FGD4: variants seen among roughly 807,000 people sequenced by gnomAD.
FGD4 encodes FYVE, RhoGEF and PH domain-containing protein 4.
A neutral mutation model predicts 102.0 loss-of-function variants in FGD4; 42 were observed. That is an observed-to-expected ratio of 0.41 (90% confidence interval 0.32 to 0.53). The LOEUF (loss-of-function observed/expected upper bound fraction) is 0.53. Ranked by LOEUF, FGD4 falls within the 20% of genes least tolerant of loss-of-function variation. FGD4 has a pLI of 0.21. For synonymous variants in FGD4, 380 were observed against 375.7 expected (o/e 1.01, Z -0.13); for missense variants, 902 against 1,078.2 (o/e 0.84, Z 2.29).
rs1309523981 is a variant in FGD4, at chr12:32,638,666, A to G, written c.2325A>G (p.Ala775=). ...TTATATTTTTCTAGATTGAATCAGC[A>G]GAAGTATCTGGAAACAGTGTGGTGT... ...KRKGILEIES[A]EVSGNSVVCS... Residue 775 remains alanine, a synonymous_variant, in exon 16 of 17, where the codon GCA becomes GCG. Transcript: ENST00000534526. The G allele has an allele frequency of 6.2e-7, 1 of 1,614,224 alleles. No individual in the cohort carries two copies. Among genetic ancestry groups the G allele is most frequent in the Admixed American group, 1.7e-5 (1 of 60,016 alleles).
At chr12:32,531,200 C>T (rs897442498) in intron 1 of FGD4, among the ~76,000 whole-genome samples, 2 of 151,944 alleles carry the variant, frequency 1.3e-5, no homozygotes, top group Admixed American at 1.3e-4. Flanking sequence ...CCGCCCGCCT[C>T]GGCCTCCCAA....
Position 32,414,250 on chromosome 12 carries a change from G to A in FGD4, c.166+14291G>A, listed in dbSNP as rs562092365. On this transcript the variant is annotated intron_variant, in intron 1 of 16. Transcript: ENST00000534526. ...ACCTCCCAAAGTGTTGGGATTATAG[G>A]CGTGTGCCACCGCACCCAGCCTACT... Among the ~76,000 whole-genome samples the A allele has an allele frequency of 8.8e-4, 134 of 152,098 alleles. 1 individual carries two copies. The highest frequency in any genetic ancestry group is 2.9e-3 in the African/African-American group (122 of 41,504).
At chr12:32,581,334 G>A (rs1009316816) in intron 3 of FGD4, among the ~76,000 whole-genome samples, 15 of 152,190 alleles carry the variant, frequency 9.9e-5, no homozygotes, top group African/African-American at 3.6e-4. Context: ...GTTTTCCCTT[G>A]AGTGTGTGAG....
intron 1 of FGD4, among the ~76,000 whole-genome samples, chr12:32,491,144 AAAAAAAC>A (rs1565773874): frequency 1.3e-5 from 2 of 150,844 alleles, no homozygotes; most frequent in Admixed American, 6.6e-5. Flanking sequence ...AAAAAAAAAA[AAAAAAAC>A]AAAAAACTAT....
rs569156787 is a variant in FGD4 at position 32,479,956 on chromosome 12, T to C, written c.166+79997T>C. Among the ~76,000 whole-genome samples the C allele has an allele frequency of 3.4e-3, 521 of 151,380 alleles. 2 individuals are homozygous for C. The highest frequency in any genetic ancestry group is 6.8e-3 in the Middle Eastern group (2 of 292). On this transcript the variant is annotated intron_variant, in intron 1 of 16. Transcript: ENST00000534526. ...CATGCGTACCTCCACATCCAGCTAA[T>C]TTTTTGTATTTTCTTATAGAGACAG...
At chr12:32,457,277 T>A (rs901877183) in intron 1 of FGD4, among the ~76,000 whole-genome samples, 1 of 152,176 alleles carries the variant, frequency 6.6e-6, no homozygotes, top group Non-Finnish European at 1.5e-5. Context: ...GAGATACATA[T>A]GTGAGACATT....
rs897659654 is a variant in FGD4 at position 32,517,262 on chromosome 12, G to A, written c.167-46875G>A. On this transcript the variant is annotated intron_variant, in intron 1 of 16. Coordinates refer to ENST00000534526, the MANE Select transcript of FGD4 (RefSeq NM_001370298.3). ...CCCAGGCGTCACAGGTGGATGATAC[G>A]CAGTTTTCTGGCATGCAACAGGTAT... Among the ~76,000 whole-genome samples the A allele has an allele frequency of 3.3e-5, 5 of 152,116 alleles. No individual in the cohort carries two copies. In the East Asian group the frequency reaches 9.6e-4, roughly 29 times the overall value.
intron 1 of FGD4, among the ~76,000 whole-genome samples, chr12:32,416,949 T>G (rs1486513509): frequency 6.6e-6 from 1 of 151,554 alleles, no homozygotes; most frequent in East Asian, 1.9e-4. Context: ...CAGGTTGGAG[T>G]GCAATGGCAC....
chr12:32,492,243 A>G (rs1944121588), intron 1 of FGD4, among the ~76,000 whole-genome samples: 1 of 152,204 alleles, frequency 6.6e-6, no homozygotes. Flanking sequence ...AGGTTCATAA[A>G]CAGTGCCAAC....
rs184708096 is a variant in FGD4, at chr12:32,502,214, G to A, written c.167-61923G>A. The A allele has an allele frequency of 2.9e-3, 2,851 of 985,500 alleles. 6 individuals are homozygous for A. The highest frequency in any genetic ancestry group is 3.2e-3 in the Non-Finnish European group (2,693 of 829,988). 61.0% of individuals were successfully genotyped at this position (985,500 alleles called of 1,614,324 possible). A position where few individuals can be genotyped will look rare whatever the true frequency, so the allele number is the denominator to read the frequency against. On this transcript the variant is annotated intron_variant, in intron 1 of 16. Coordinates refer to ENST00000534526, the MANE Select transcript of FGD4 (RefSeq NM_001370298.3). ...AAGCAGGGGAGCCTGTGCTGGGTGA[G>A]ATTATCTGCAATGGACCGGGTTAAT...
At chr12:32,622,179 C>G (rs1323647186) in intron 11 of FGD4, among the ~76,000 whole-genome samples, 3 of 152,204 alleles carry the variant, frequency 2.0e-5, no homozygotes, top group Non-Finnish European at 2.9e-5. Context: ...GCCACTGCGT[C>G]CAGCCTCATC....
chr12:32,553,920 C>T (rs1943895211), intron 1 of FGD4, among the ~76,000 whole-genome samples: 1 of 152,068 alleles, frequency 6.6e-6, no homozygotes, highest in Non-Finnish European at 1.5e-5. Context: ...GCTTGGGCAA[C>T]AGAAACCCCA....
intron 1 of FGD4, among the ~76,000 whole-genome samples, chr12:32,405,807 T>C (rs1940908109): frequency 6.6e-6 from 1 of 152,118 alleles, no homozygotes; most frequent in Non-Finnish European, 1.5e-5. Context: ...AACATACATA[T>C]AGTTCTGGTT....
intron 1 of FGD4, among the ~76,000 whole-genome samples, chr12:32,472,480 C>T (rs1179768352): frequency 1.3e-5 from 2 of 152,228 alleles, no homozygotes; most frequent in Non-Finnish European, 2.9e-5. Context: ...CAGTGCTGGC[C>T]CACCGGTGCT....
chr12:32,474,874 A>C (rs981035529), intron 1 of FGD4, among the ~76,000 whole-genome samples: 1 of 152,328 alleles, frequency 6.6e-6, no homozygotes, highest in South Asian at 2.1e-4. Flanking sequence ...CCTGTACTCC[A>C]GCCTGGGTGA....
At chr12:32,548,738 C>T (rs1350778046) in intron 1 of FGD4, among the ~76,000 whole-genome samples, 1 of 152,162 alleles carries the variant, frequency 6.6e-6, no homozygotes, top group East Asian at 1.9e-4. Flanking sequence ...TTTGTAGACT[C>T]CATGCATAAA....
intron 1 of FGD4, among the ~76,000 whole-genome samples, chr12:32,523,016 C>T (rs998370815): frequency 4.6e-5 from 7 of 152,182 alleles, no homozygotes; most frequent in African/African-American, 1.7e-4. Context: ...AAGGAGGTAG[C>T]TATCTGGACA....
chr12:32,531,847 G>A (rs1941847774), intron 1 of FGD4, among the ~76,000 whole-genome samples: 1 of 152,172 alleles, frequency 6.6e-6, no homozygotes, highest in South Asian at 2.1e-4. Flanking sequence ...TGCTCCTATT[G>A]GGTAGCCTAG....
At chr12:32,466,596 G>T (rs571585003) in intron 1 of FGD4, among the ~76,000 whole-genome samples, 1 of 151,896 alleles carries the variant, frequency 6.6e-6, no homozygotes, top group African/African-American at 2.4e-5. Flanking sequence ...GGCCGGGCGC[G>T]GTGGCTCACA....
Sources: allele counts gnomAD v4.1 joint callset (sites outside exome capture counted in the v4.1 genomes callset), GRCh38; gene constraint gnomAD v4.1.1; transcripts MANE v1.5; gene names NCBI Gene and HGNC (gene_info 2026-07-23, HGNC 2026-07-21).